The following VAV3 variants were observed in gnomAD, a reference collection of about 807,000 sequenced individuals.
VAV3 encodes the protein guanine nucleotide exchange factor VAV3.
In VAV3, 94 loss-of-function variants were observed where a neutral mutation model predicts 131.2. The ratio of observed to expected loss-of-function variants is 0.72; its 90% CI spans 0.61 to 0.85. The LOEUF is 0.85. Ranked by LOEUF, VAV3 falls within the 40% of genes least tolerant of loss-of-function variation. The pLI is 0.00. For synonymous variants in VAV3, 349 were observed against 342.0 expected, an observed-to-expected ratio of 1.02 and a Z score of -0.22; for missense variants, 939 against 1,002.7, an observed-to-expected ratio of 0.94 and a Z score of 0.86.
chr1:107,891,734 G>A (rs147162440), intron 1 of VAV3, among the ~76,000 whole-genome samples: 1,580 of 151,652 alleles, frequency 0.01, 24 homozygotes, highest in African/African-American at 0.036. Flanking sequence ...AGCTACTTGG[G>A]AGGTTGAGGC....
intron 18 of VAV3, 46 bp downstream of exon 18, chr1:107,688,335 C>A (rs766018131): frequency 8.1e-6 from 13 of 1,598,290 alleles, no homozygotes; most frequent in Non-Finnish European, 1.1e-5. Context: ...TAGCAAACAA[C>A]TTGAAATGCA....
At chr1:107,941,488 A>G (rs1401113398) in intron 1 of VAV3, among the ~76,000 whole-genome samples, 3 of 152,304 alleles carry the variant, frequency 2.0e-5, no homozygotes, top group East Asian at 1.9e-4. Context: ...TTTTGATTCC[A>G]GAACCATTTC....
Position 107,800,664 on chromosome 1 carries a change from T to C in VAV3, c.322-21172A>G, listed in dbSNP as rs561829127. ...GTGAGCATAGTACCCATTTACCTAT[T>C]TTTTAAATCAGTAATTGTTCTTTTG... On this transcript the variant is annotated intron_variant, in intron 2 of 26. Coordinates refer to ENST00000370056, the MANE Select transcript of VAV3 (RefSeq NM_006113.5). Among the ~76,000 whole-genome samples the C allele has an allele frequency of 3.9e-5, 6 of 152,262 alleles. No individual in the cohort carries two copies. The South Asian group carries it at 1.2e-3, about 32-fold the overall frequency.
At chr1:107,808,745 T>C (rs1282408195) in intron 2 of VAV3, among the ~76,000 whole-genome samples, 2 of 152,272 alleles carry the variant, frequency 1.3e-5, no homozygotes, top group African/African-American at 2.4e-5. Context: ...CTCCACAATA[T>C]TCCATAGTAT....
intron 2 of VAV3, among the ~76,000 whole-genome samples, chr1:107,849,304 C>T (rs571786456): frequency 1.9e-4 from 29 of 150,944 alleles, no homozygotes; most frequent in Non-Finnish European, 3.4e-4. Flanking sequence ...AAGCTGGAAG[C>T]ATCACACTAC....
Position 107,846,097 on chromosome 1 carries a change from T to A in VAV3, c.321+28804A>T, listed in dbSNP as rs1668954197. Among the ~76,000 whole-genome samples, 3 of 152,122 alleles carry A rather than the reference T, an allele frequency of 2.0e-5. No homozygotes were observed. In the South Asian group the frequency reaches 6.2e-4, roughly 32 times the overall value. The stretch of plus-strand genomic sequence containing the variant: ...GGAAGCCCATCAGACTAACAGTGGA[T>A]CTCTCTGCAGAAACTCTAGAAACCA... On this transcript the variant is annotated intron_variant, in intron 2 of 26. Transcript: ENST00000370056.
chr1:107,777,294 G>C lies in VAV3; in HGVS notation c.383C>G (p.Pro128Arg). Reference protein sequence around the residue: ...TPIALATGIRPFPTEESINDE... With the variant: ...TPIALATGIRRFPTEESINDE... The stretch of plus-strand genomic sequence containing the variant: ...ATTAATGCTTTCTTCTGTTGGGAAG[G>C]GCCTAGGAAGAGGAGAAAAAACAAA... Residue 128 changes from proline to arginine, a missense_variant and splice_region_variant, in exon 4 of 27, where the codon CCC (proline) becomes CGC (arginine). By Grantham distance (103) the Pro-to-Arg change is moderately radical. Coordinates refer to ENST00000370056, the MANE Select transcript of VAV3 (RefSeq NM_006113.5). 1.2e-6 allele frequency: 2 copies of C among 1,613,782 alleles called. No individual in the cohort carries two copies. Among genetic ancestry groups the C allele is most frequent in the Non-Finnish European group, 1.7e-6 (2 of 1,179,946 alleles).
rs776236582 is a variant in VAV3, at chr1:107,755,441, A to C, written c.1159T>G (p.Ser387Ala). Residue 387 changes from serine to alanine, a missense_variant, in exon 12 of 27, where the codon TCT becomes GCT. By Grantham distance (99) the Ser-to-Ala change is moderately conservative. Transcript: ENST00000370056. ...TLREIKQFQL[S>A]IENLNQPVLL... ...TAATTACATACCAAATTCTCTATAG[A>C]TAGCTGAAACTGTTTAATTTCACGA... The C allele has an allele frequency of 6.8e-6, 11 of 1,612,164 alleles. No homozygotes were observed. The highest frequency in any genetic ancestry group is 9.3e-6 in the Non-Finnish European group (11 of 1,178,372).
chr1:107,763,561 C>G (rs1664561498), intron 9 of VAV3, among the ~76,000 whole-genome samples: 1 of 151,716 alleles, frequency 6.6e-6, no homozygotes, highest in Non-Finnish European at 1.5e-5. Flanking sequence ...GTCACAGTGG[C>G]TCCCAGCTCT....
intron 2 of VAV3, among the ~76,000 whole-genome samples, chr1:107,842,552 C>CT (rs1289741148): frequency 6.6e-6 from 1 of 152,232 alleles, no homozygotes; most frequent in Non-Finnish European, 1.5e-5. Flanking sequence ...TTTGGCATCT[C>CT]TTTTCTCTCC....
chr1:107,920,219 A>C (rs1672829117), intron 1 of VAV3, among the ~76,000 whole-genome samples: 1 of 152,206 alleles, frequency 6.6e-6, no homozygotes, highest in African/African-American at 2.4e-5. Context: ...GCATGTGATA[A>C]AACGGGAACA....
At chr1:107,705,684 T>C (rs867860000) in intron 15 of VAV3, among the ~76,000 whole-genome samples, 1 of 152,338 alleles carries the variant, frequency 6.6e-6, no homozygotes, top group African/African-American at 2.4e-5. Context: ...CACCACAAAC[T>C]AATATTCTTT....
intron 1 of VAV3, among the ~76,000 whole-genome samples, chr1:107,927,109 T>G (rs1233915588): frequency 6.6e-6 from 1 of 152,160 alleles, no homozygotes; most frequent in Admixed American, 6.5e-5. Context: ...GGATACCAGC[T>G]CAGCCACAGC....
intron 2 of VAV3, among the ~76,000 whole-genome samples, chr1:107,869,913 G>T (rs1670178233): frequency 6.6e-6 from 1 of 152,104 alleles, no homozygotes. Flanking sequence ...TTCCCTTCTT[G>T]AGTTACTTCA....
intron 22 of VAV3, chr1:107,609,560 A>C (rs1298989916): frequency 6.2e-6 from 1 of 160,544 alleles, no homozygotes; most frequent in African/African-American, 2.4e-5. Flanking sequence ...TAAAAAAAAA[A>C]ACTACTACTG....
intron 15 of VAV3, among the ~76,000 whole-genome samples, chr1:107,734,493 A>G (rs1662463521): frequency 6.6e-6 from 1 of 152,228 alleles, no homozygotes; most frequent in East Asian, 1.9e-4. Context: ...ACACAGGCTC[A>G]AAATAAAGGG....
chr1:107,899,267 T>C (rs1671749348), intron 1 of VAV3, among the ~76,000 whole-genome samples: 1 of 152,142 alleles, frequency 6.6e-6, no homozygotes, highest in African/African-American at 2.4e-5. Context: ...AAGGGCACAG[T>C]CATAGAGATA....
intron 1 of VAV3, among the ~76,000 whole-genome samples, chr1:107,883,749 A>C (rs1269967809): frequency 1.3e-5 from 2 of 151,868 alleles, no homozygotes; most frequent in Non-Finnish European, 2.9e-5. Context: ...CAGTCACCAT[A>C]ACACACACAC....
chr1:107,910,857 G>A (rs771208484), intron 1 of VAV3, among the ~76,000 whole-genome samples: 5 of 152,118 alleles, frequency 3.3e-5, no homozygotes, highest in African/African-American at 4.8e-5. Context: ...GCACATGCCT[G>A]CAATCCCAGC....
Sources: allele counts gnomAD v4.1 joint callset (sites outside exome capture counted in the v4.1 genomes callset), GRCh38; gene constraint gnomAD v4.1.1; transcripts MANE v1.5; gene names NCBI Gene and HGNC (gene_info 2026-07-23, HGNC 2026-07-21).